ZEB1: variants seen among roughly 807,000 people sequenced by gnomAD.
ZEB1 encodes zinc finger E-box-binding homeobox 1.
A neutral mutation model predicts 84.9 loss-of-function variants in ZEB1; 21 were observed. The observed-to-expected ratio is 0.25, with a 90% CI of 0.18 to 0.36. The LOEUF (loss-of-function observed/expected upper bound fraction) is 0.36, where lower values mean the gene tolerates loss of function less well. Ranked by LOEUF, ZEB1 falls within the 10% of genes least tolerant of loss-of-function variation. The pLI is 1.00. For synonymous variants in ZEB1, 420 were observed against 471.1 expected (o/e 0.89, Z 1.41); for missense variants, 1,104 against 1,330.2 (o/e 0.83, Z 2.65).
Position 31,504,566 on chromosome 10 carries a change from T to A in ZEB1, c.484+2057T>A, listed in dbSNP as rs185670629. On this transcript the variant is annotated intron_variant, in intron 4 of 8. Coordinates refer to ENST00000424869, the MANE Select transcript of ZEB1 (RefSeq NM_001174096.2). Reference sequence around the variant, plus strand: ...GGGCAATATGATCATTTTAATGATGTTAATTCTTCTGATCCATGAGCATGG... The same window carrying A: ...GGGCAATATGATCATTTTAATGATGATAATTCTTCTGATCCATGAGCATGG... Among the ~76,000 whole-genome samples, 5 of 152,278 alleles carry A rather than the reference T, an allele frequency of 3.3e-5. No individual in the cohort carries two copies. The East Asian group carries it at 9.6e-4, about 29-fold the overall frequency.
At chr10:31,360,952 A>G in intron 1 of ZEB1, 1 of 1,600,478 alleles carries the variant, frequency 6.2e-7, no homozygotes, top group Non-Finnish European at 8.5e-7. Flanking sequence ...GAAGCAGCTA[A>G]CTATGGCGAC....
At chr10:31,370,208 G>A (rs959255366) in intron 1 of ZEB1, among the ~76,000 whole-genome samples, 1 of 152,170 alleles carries the variant, frequency 6.6e-6, no homozygotes, top group East Asian at 1.9e-4. Flanking sequence ...ATTGGGATGA[G>A]TTATGTCACC....
At chr10:31,491,208 A>G (rs944756909) in intron 2 of ZEB1, among the ~76,000 whole-genome samples, 13 of 151,662 alleles carry the variant, frequency 8.6e-5, no homozygotes, top group African/African-American at 2.9e-4. Context: ...TATTTACCCT[A>G]CTTTGCCACA....
chr10:31,322,432 T>C (rs1384806533), intron 1 of ZEB1, among the ~76,000 whole-genome samples: 2 of 152,242 alleles, frequency 1.3e-5, no homozygotes, highest in Non-Finnish European at 2.9e-5. Context: ...GTTTTATTCA[T>C]TTTGAAATAA....
At position 31,521,387 on chromosome 10, in the gene ZEB1, T is replaced by C; in HGVS notation, c.2055T>C (p.Thr685=). The C allele has an allele frequency of 6.2e-7, 1 of 1,614,084 alleles. No homozygotes were observed. Among genetic ancestry groups the C allele is most frequent in the East Asian group, 2.2e-5 (1 of 44,836 alleles). The change falls in exon 7 of 9, where the codon ACT becomes ACC. Residue 685 remains threonine (T), a synonymous_variant. Coordinates refer to ENST00000424869, the MANE Select transcript of ZEB1 (RefSeq NM_001174096.2). The stretch of plus-strand genomic sequence containing the variant: ...ATCTACAAAGTCCTTTGAAGATGAC[T>C]AACTCCCCAGTTTTACCAGTGGGAT... ...TVNLQSPLKM[T]NSPVLPVGST...
intron 2 of ZEB1, among the ~76,000 whole-genome samples, chr10:31,475,562 T>G (rs774398266): frequency 2.6e-5 from 4 of 152,148 alleles, no homozygotes; most frequent in African/African-American, 4.8e-5. Flanking sequence ...TCAAATCACC[T>G]ATGAAGGAAG....
intron 1 of ZEB1, among the ~76,000 whole-genome samples, chr10:31,443,982 C>T (rs1274163409): frequency 1.5e-4 from 22 of 148,240 alleles, no homozygotes; most frequent in Non-Finnish European, 6.0e-5. Flanking sequence ...CCTGAGGAAT[C>T]GCCACACTGT....
intron 1 of ZEB1, among the ~76,000 whole-genome samples, chr10:31,383,965 C>CTTTTT (rs66865546): frequency 1.8e-5 from 1 of 56,372 alleles, no homozygotes; most frequent in Non-Finnish European, 3.3e-5. Context: ...TAGATTAGTG[C>CTTTTT]TTTTTTTTTT....
chr10:31,454,305 T>C (rs905529204), intron 1 of ZEB1, among the ~76,000 whole-genome samples: 1 of 152,126 alleles, frequency 6.6e-6, no homozygotes, highest in Non-Finnish European at 1.5e-5. Flanking sequence ...AGCCAATATC[T>C]TACTGAATGG....
rs555781195 is a variant in ZEB1, at chr10:31,447,745, C to G, written c.59-13292C>G. ...TTTAAGAATGTTGAATATTGGCCCC[C>G]ACTCTTCTGGCTTGTAGGGTTTCTG... is the stretch of plus-strand genomic sequence containing the variant. On this transcript the variant is annotated intron_variant, in intron 1 of 8. Transcript: ENST00000424869. Among the ~76,000 whole-genome samples the G allele has an allele frequency of 5.3e-3, 805 of 152,208 alleles. 13 individuals are homozygous for G. The highest frequency in any genetic ancestry group is 0.019 in the African/African-American group (771 of 41,518).
chr10:31,382,006 C>CAAAAAAA lies in ZEB1; in HGVS notation c.58+62736_58+62742dup, dbSNP rs535534850. 5.8e-3 allele frequency among the ~76,000 whole-genome samples: 236 copies of CAAAAAAA among 40,768 alleles called. 4 individuals carry two copies. Among genetic ancestry groups the CAAAAAAA allele is most frequent in the African/African-American group, 0.01 (227 of 22,330 alleles). 26.7% of individuals were successfully genotyped at this position (40,768 alleles called of 152,430 possible). A position where few individuals can be genotyped will look rare whatever the true frequency, so the allele number is the denominator to read the frequency against. Reference sequence around the variant, plus strand: ...AGACTGGGCGACAGTGAGACTGTCTCAAAAAAAAAAAAAAAAAAAAAAAAA... The same window carrying CAAAAAAA: ...AGACTGGGCGACAGTGAGACTGTCTCAAAAAAAAAAAAAAAAAAAAAAAAAAAAAAAA... On this transcript the variant is annotated intron_variant, in intron 1 of 8. Coordinates refer to ENST00000424869, the MANE Select transcript of ZEB1 (RefSeq NM_001174096.2).
At chr10:31,421,734 TG>T (rs2056196304) in intron 1 of ZEB1, among the ~76,000 whole-genome samples, 1 of 152,152 alleles carries the variant, frequency 6.6e-6, no homozygotes, top group African/African-American at 2.4e-5. Context: ...CTACCTGGAT[TG>T]AAGTTGTTTC....
At chr10:31,342,035 C>T (rs1295373444) in intron 1 of ZEB1, among the ~76,000 whole-genome samples, 2 of 152,158 alleles carry the variant, frequency 1.3e-5, no homozygotes, top group African/African-American at 4.8e-5. Flanking sequence ...AAATTATGTG[C>T]TGTACATTAT....
chr10:31,352,700 A>C (rs1360311781), intron 1 of ZEB1, among the ~76,000 whole-genome samples: 1 of 152,036 alleles, frequency 6.6e-6, no homozygotes, highest in Non-Finnish European at 1.5e-5. Context: ...CTGTGAAGTT[A>C]GTTGGGCTTG....
chr10:31,390,934 G>A (rs111232742), intron 1 of ZEB1, among the ~76,000 whole-genome samples: 62 of 152,148 alleles, frequency 4.1e-4, no homozygotes, highest in African/African-American at 1.4e-3. Flanking sequence ...TAGTAGTGTG[G>A]ATCTACCCTC....
Position 31,382,006 on chromosome 10 carries a change from C to CAAAAAAAAA in ZEB1, c.58+62734_58+62742dup, listed in dbSNP as rs535534850. On this transcript the variant is annotated intron_variant, in intron 1 of 8. Transcript: ENST00000424869. The stretch of plus-strand genomic sequence containing the variant: ...AGACTGGGCGACAGTGAGACTGTCT[C>CAAAAAAAAA]AAAAAAAAAAAAAAAAAAAAAAAAA... Among the ~76,000 whole-genome samples the CAAAAAAAAA allele has an allele frequency of 1.6e-3, 66 of 40,770 alleles. 2 individuals carry two copies. The highest frequency in any genetic ancestry group is 2.9e-3 in the African/African-American group (64 of 22,326). The allele number at this position is 40,770 out of a possible 152,430, so 26.7% of individuals were successfully genotyped here. A position where few individuals can be genotyped will look rare whatever the true frequency, so the allele number is the denominator to read the frequency against.
intron 2 of ZEB1, among the ~76,000 whole-genome samples, chr10:31,477,970 A>C (rs2064480896): frequency 6.6e-6 from 1 of 152,026 alleles, no homozygotes; most frequent in African/African-American, 2.4e-5. Flanking sequence ...TTTATGACTA[A>C]GACCCCAAAA....
At chr10:31,476,807 G>A (rs184773543) in intron 2 of ZEB1, among the ~76,000 whole-genome samples, 5 of 151,926 alleles carry the variant, frequency 3.3e-5, no homozygotes, top group African/African-American at 1.2e-4. Flanking sequence ...AAAGAAAAAC[G>A]ATATGATCAT....
In ZEB1 at chr10:31,527,247, A is replaced by C; in HGVS notation, c.3361A>C (p.Lys1121Gln). 6.2e-7 allele frequency: 1 copy of C among 1,606,778 alleles called. No homozygotes were observed. Among genetic ancestry groups the C allele is most frequent in the Non-Finnish European group, 8.5e-7 (1 of 1,177,412 alleles). The change falls in exon 9 of 9, where the codon AAG becomes CAG. Residue 1121 changes from lysine to glutamine, a missense_variant. Physicochemically the swap from Lys to Gln is moderately conservative, Grantham distance 53 (BLOSUM62 1). Coordinates refer to ENST00000424869, the MANE Select transcript of ZEB1 (RefSeq NM_001174096.2). ...GAGTAGTGAGCAAGTGTCTGAAGAA[A>C]AGACAAATGAAGCCTAATCGTTTTT... The part of the protein sequence containing the change: ...GESSEQVSEE[K>Q]TNEA
Sources: allele counts gnomAD v4.1 joint callset (sites outside exome capture counted in the v4.1 genomes callset), GRCh38; gene constraint gnomAD v4.1.1; transcripts MANE v1.5; gene names NCBI Gene and HGNC (gene_info 2026-07-23, HGNC 2026-07-21).